The following MYOT variants were observed in gnomAD, a reference collection of about 807,000 sequenced individuals.
The protein encoded by MYOT is myotilin, also known as 57 kDa cytoskeletal protein.
In MYOT, 36 loss-of-function variants were observed where a neutral mutation model predicts 58.0. That is an observed-to-expected ratio of 0.62 (90% CI 0.48 to 0.82). The LOEUF (loss-of-function observed/expected upper bound fraction) is 0.82. MYOT is among the 40% of genes least tolerant of loss of function. MYOT has a pLI of 0.00. For missense variants in MYOT, 505 were observed against 592.1 expected, an observed-to-expected ratio of 0.85 and a Z score of 1.53; for synonymous variants, 218 against 204.6, an observed-to-expected ratio of 1.07 and a Z score of -0.56.
intron 6 of MYOT, among the ~76,000 whole-genome samples, chr5:137,882,416 G>A (rs1262943813): frequency 6.6e-6 from 1 of 151,604 alleles, no homozygotes; most frequent in Non-Finnish European, 1.5e-5. Flanking sequence ...TATAAGTGAA[G>A]CTATCAGAAC....
chr5:137,882,930 T>C (rs1755483013), intron 6 of MYOT: 1 of 169,198 alleles, frequency 5.9e-6, no homozygotes, highest in African/African-American at 2.4e-5. Flanking sequence ...GTAAAAACAC[T>C]TAACAAATTG....
intron 5 of MYOT, 39 bp downstream of exon 5, chr5:137,880,904 A>T: frequency 7.3e-7 from 1 of 1,360,848 alleles, no homozygotes. Flanking sequence ...ATGTTTTCCT[A>T]TCTAAAATAT....
At chr5:137,883,267 C>A in intron 6 of MYOT, 117 bp from the exon 7 acceptor site, 1 of 818,130 alleles carries the variant, frequency 1.2e-6, no homozygotes, top group Non-Finnish European at 2.1e-6. Context: ...TCTTGCTTTG[C>A]ATTTCAATCG....
rs375252441 is a variant in MYOT, at chr5:137,871,027, C to T, written c.356+20C>T. On this transcript the variant is annotated intron_variant, in intron 2 of 9. Transcript: ENST00000239926. Reference sequence around the variant, plus strand: ...TTCCAAGTAAGTGAATTTTTATATACCGCATGTACAGTGAACTTATATCTG... The same window carrying T: ...TTCCAAGTAAGTGAATTTTTATATATCGCATGTACAGTGAACTTATATCTG... 85 of 1,593,786 alleles carry T rather than the reference C, an allele frequency of 5.3e-5. 1 individual carries two copies. In the South Asian group the frequency reaches 9.0e-4, roughly 17 times the overall value.
At chr5:137,883,191 T>C (rs1459665708) in intron 6 of MYOT, 193 bp from the exon 7 acceptor site, 4 of 587,300 alleles carry the variant, frequency 6.8e-6, no homozygotes, top group Non-Finnish European at 1.2e-5. Flanking sequence ...AGTCTAAAAA[T>C]ACTATGTTAA....
intron 6 of MYOT, 38 bp downstream of exon 6, chr5:137,882,143 C>A: frequency 6.2e-7 from 1 of 1,607,890 alleles, no homozygotes; most frequent in Non-Finnish European, 8.5e-7. Flanking sequence ...GGAAAATTAA[C>A]AATGGGATAC....
rs1446489086 is a variant in MYOT, at chr5:137,880,906, C to T, written c.683+41C>T. The T allele has an allele frequency of 2.2e-6, 3 of 1,353,064 alleles. No individual in the cohort carries two copies. The African/African-American group carries it at 4.4e-5, about 20-fold the overall frequency. 83.8% of individuals were successfully genotyped at this position (1,353,064 alleles called of 1,614,324 possible). A position where few individuals can be genotyped will look rare whatever the true frequency, so the allele number is the denominator to read the frequency against. On this transcript the variant is annotated intron_variant, in intron 5 of 9. Coordinates refer to ENST00000239926, the MANE Select transcript of MYOT (RefSeq NM_006790.3). ...TTTAAAGAAATGTATGTTTTCCTAT[C>T]TAAAATATTTTCAGCTTAAAAATGT...
chr5:137,879,688 CTTTTT>C (rs1187720466), intron 4 of MYOT, among the ~76,000 whole-genome samples: 8 of 94,510 alleles, frequency 8.5e-5, no homozygotes, highest in African/African-American at 3.7e-4. Flanking sequence ...CCACACCCGG[CTTTTT>C]TTTTTTTTTT....
Position 137,887,250 on chromosome 5 carries a change from A to C in MYOT, c.1362A>C (p.Leu454Phe). Residue 454 changes from leucine (L) to phenylalanine (F), a missense_variant, in exon 10 of 10, where the codon TTA (leucine) becomes TTC (phenylalanine). Physicochemically the swap from Leu to Phe is conservative, Grantham distance 22. Coordinates refer to ENST00000239926, the MANE Select transcript of MYOT (RefSeq NM_006790.3). ...PNQTLPAPKQ[L>F]RVRPTFSKYL... ...AAACTCTTCCAGCTCCTAAGCAGTT[A>C]CGGGTTCGACCAACATTCAGCAAAT... The C allele has an allele frequency of 6.2e-7, 1 of 1,614,072 alleles. No individual in the cohort carries two copies. The highest frequency in any genetic ancestry group is 8.5e-7 in the Non-Finnish European group (1 of 1,179,974).
intron 7 of MYOT, among the ~76,000 whole-genome samples, chr5:137,883,911 T>G (rs1487222027): frequency 2.6e-5 from 4 of 152,218 alleles, no homozygotes; most frequent in African/African-American, 7.2e-5. Flanking sequence ...TAGACGTAAC[T>G]ATAGAGTCTC....
In MYOT at chr5:137,870,684, C is replaced by T. The variant is rs760171927; in HGVS notation, c.33C>T (p.Ile11=). 1 of 1,614,192 alleles carries T rather than the reference C, an allele frequency of 6.2e-7. No individual in the cohort carries two copies. Among genetic ancestry groups the T allele is most frequent in the Non-Finnish European group, 8.5e-7 (1 of 1,180,032 alleles). MFNYERPKHF[I]QSQNPCGSRL... is the part of the protein sequence containing the mutation. ...ACTACGAACGTCCAAAACACTTCAT[C>T]CAGTCCCAAAACCCATGTGGCTCCA... The change falls in exon 2 of 10, where the codon ATC becomes ATT. Residue 11 remains isoleucine, a synonymous_variant. Coordinates refer to ENST00000239926, the MANE Select transcript of MYOT (RefSeq NM_006790.3).
intron 7 of MYOT, among the ~76,000 whole-genome samples, chr5:137,885,111 T>C (rs1755554116): frequency 6.6e-6 from 1 of 152,224 alleles, no homozygotes; most frequent in Non-Finnish European, 1.5e-5. Flanking sequence ...ATCCGTTTAA[T>C]CTCATTTCTC....
intron 1 of MYOT, 53 bp downstream of exon 1, chr5:137,868,006 G>A (rs981859102): frequency 6.6e-6 from 1 of 151,956 alleles, no homozygotes. Flanking sequence ...TTTGTTTTTT[G>A]TCCAAATCAG....
chr5:137,877,363 G>A (rs1227119620), intron 3 of MYOT, among the ~76,000 whole-genome samples, 157 bp from the exon 4 acceptor site: 4 of 108,574 alleles, frequency 3.7e-5, no homozygotes, highest in Admixed American at 1.2e-4. Context: ...GTAAGACTCC[G>A]TCTCAAAAAA....
Position 137,881,954 on chromosome 5 carries a change from T to C in MYOT, c.684-19T>C. On this transcript the variant is annotated intron_variant, in intron 5 of 9. Coordinates refer to ENST00000239926, the MANE Select transcript of MYOT (RefSeq NM_006790.3). ...AATGATAATATTTACGCATAGTTGT[T>C]ACCAAAATATTCTTGTAGAAGTAGA... 1 of 1,612,606 alleles carries C rather than the reference T, an allele frequency of 6.2e-7. No homozygotes were observed.
Position 137,886,161 on chromosome 5 carries a change from C to T in MYOT, c.1138C>T (p.Leu380Phe), listed in dbSNP as rs1252106633. The change falls in exon 8 of 10, where the codon CTT becomes TTT. Residue 380 changes from leucine (L) to phenylalanine (F), a missense_variant. Physicochemically the swap from Leu to Phe is conservative, Grantham distance 22 (BLOSUM62 0). Coordinates refer to ENST00000239926, the MANE Select transcript of MYOT (RefSeq NM_006790.3). ...GATCTCGGCTATACCTCCACCAAAGCTTTTCTGGAAAAGAAATAATGAAAT... is the reference window on the plus strand; with the variant it reads ...GATCTCGGCTATACCTCCACCAAAGTTTTTCTGGAAAAGAAATAATGAAAT... ...CQISAIPPPK[L>F]FWKRNNEMVQ... The T allele has an allele frequency of 6.2e-7, 1 of 1,612,388 alleles. No individual in the cohort carries two copies.
rs758336890 is a variant in MYOT at position 137,870,877 on chromosome 5, C to T, written c.226C>T (p.His76Tyr). Reference sequence around the variant, plus strand: ...TGCTTTCCCTGCTTCTCCCCAGCAGCATGCTGGCTCCAACCCAGGCCAAAG... The same window carrying T: ...TGCTTTCCCTGCTTCTCCCCAGCAGTATGCTGGCTCCAACCCAGGCCAAAG... ...SSAFPASPQQ[H>Y]AGSNPGQRVT... Residue 76 changes from histidine to tyrosine, a missense_variant, in exon 2 of 10, where the codon CAT becomes TAT. His to Tyr is a moderately conservative substitution (Grantham distance 83). Coordinates refer to ENST00000239926, the MANE Select transcript of MYOT (RefSeq NM_006790.3). 2 of 1,614,192 alleles carry T rather than the reference C, an allele frequency of 1.2e-6. No homozygotes were observed. Among genetic ancestry groups the T allele is most frequent in the South Asian group, 2.2e-5 (2 of 91,074 alleles).
intron 1 of MYOT, among the ~76,000 whole-genome samples, chr5:137,868,531 T>C (rs982820686): frequency 6.6e-6 from 1 of 152,206 alleles, no homozygotes; most frequent in Non-Finnish European, 1.5e-5. Flanking sequence ...TGAAATAACA[T>C]ATTTTTAATT....
chr5:137,883,906 G>A (rs368682718), intron 7 of MYOT, among the ~76,000 whole-genome samples: 15 of 152,114 alleles, frequency 9.9e-5, no homozygotes, highest in East Asian at 7.7e-4. Flanking sequence ...ATTTCTAGAC[G>A]TAACTATAGA....
Sources: allele counts gnomAD v4.1 joint callset (sites outside exome capture counted in the v4.1 genomes callset), GRCh38; gene constraint gnomAD v4.1.1; transcripts MANE v1.5; gene names NCBI Gene and HGNC (gene_info 2026-07-23, HGNC 2026-07-21).